Variants in MSS51 observed in about 807,000 individuals in gnomAD.
MSS51 encodes MSS51 mitochondrial translational activator, also known as putative protein MSS51 homolog, mitochondrial.
Under a neutral mutation model 40.2 loss-of-function variants are expected in MSS51, and 32 were observed. The ratio of observed to expected loss-of-function variants is 0.80; its 90% CI spans 0.60 to 1.07. MSS51 has a LOEUF of 1.07. MSS51 is among the 50% of genes least tolerant of loss of function. The pLI, the probability that MSS51 is intolerant of heterozygous loss-of-function variation, is 0.00. For synonymous variants in MSS51, 178 were observed against 214.2 expected, an observed-to-expected ratio of 0.83 and a Z score of 1.48; for missense variants, 518 against 568.9, an observed-to-expected ratio of 0.91 and a Z score of 0.91.
At chr10:73,427,832 C>T (rs909660317) in intron 2 of MSS51, 64 bp from the exon 3 acceptor site, 3 of 1,560,490 alleles carry the variant, frequency 1.9e-6, no homozygotes, top group South Asian at 1.2e-5. Flanking sequence ...ATCTCTCATG[C>T]CCCCCATCTT....
chr10:73,429,707 C>A (rs771215551), intron 1 of MSS51: 6 of 453,564 alleles, frequency 1.3e-5, no homozygotes, highest in African/African-American at 4.0e-5. Context: ...ACAGAAAGGA[C>A]CATATGAGAA....
Position 73,425,911 on chromosome 10 carries a change from A to G in MSS51, c.969T>C (p.Ile323=). The G allele has an allele frequency of 6.2e-7, 1 of 1,614,152 alleles. No individual in the cohort carries two copies. ...AGAGGCCCCTGTGGGCACTAAGCTG[A>G]ATTGTGCCAGGTTCCAGGGGTGAAG... ...TSTSPLEPGT[I]QLSAHRGLYH... Residue 323 remains isoleucine (I), a synonymous_variant, in exon 5 of 7, where the codon ATT becomes ATC. Transcript: ENST00000299432.
intron 5 of MSS51, among the ~76,000 whole-genome samples, chr10:73,425,401 G>A (rs12572221): frequency 2.0e-5 from 3 of 152,094 alleles, no homozygotes; most frequent in African/African-American, 2.4e-5. Flanking sequence ...CAGGCTGGGC[G>A]CGGTGGCTCA....
chr10:73,424,866 C>G, intron 6 of MSS51, 94 bp from the exon 7 acceptor site: 1 of 1,072,124 alleles, frequency 9.3e-7, no homozygotes, highest in Non-Finnish European at 1.4e-6. Context: ...AATCACCCAT[C>G]CCCCAAATTG....
chr10:73,432,643 G>A (rs543569532), intron 1 of MSS51, among the ~76,000 whole-genome samples: 2 of 152,282 alleles, frequency 1.3e-5, no homozygotes, highest in East Asian at 3.9e-4. Context: ...TGAGGAAGAG[G>A]AGTGGTGGTA....
rs200154640 is a variant in MSS51 at position 73,425,200 on chromosome 10, C to G, written c.1070-9G>C. On this transcript the variant is annotated splice_polypyrimidine_tract_variant and intron_variant, in intron 5 of 6. Transcript: ENST00000299432. ...TGGGGAGGAATGAAAACCTGTGGAA[C>G]AAAAATGAAAATGGGAATAGGGAAA... 8 of 1,567,408 alleles carry G rather than the reference C, an allele frequency of 5.1e-6. No homozygotes were observed. Among genetic ancestry groups the G allele is most frequent in the Non-Finnish European group, 6.0e-6 (7 of 1,159,688 alleles).
chr10:73,427,487 A>G lies in MSS51; in HGVS notation c.377+126T>C. ...GAGACAGGGTTTTGCTGTGTTGGCC[A>G]GGTTGGCCTCATGTGATCCACCTGC... On this transcript the variant is annotated intron_variant, in intron 3 of 6. Coordinates refer to ENST00000299432, the MANE Select transcript of MSS51 (RefSeq NM_001024593.2). 3.2e-6 allele frequency: 3 copies of G among 927,548 alleles called. No individual in the cohort carries two copies. In the Admixed American group the frequency reaches 7.4e-5, roughly 23 times the overall value. The allele number at this position is 927,548 out of a possible 1,614,324, so 57.5% of individuals were successfully genotyped here.
intron 2 of MSS51, 112 bp from the exon 3 acceptor site, chr10:73,427,880 C>T: frequency 7.6e-7 from 1 of 1,319,518 alleles, no homozygotes; most frequent in Non-Finnish European, 1.0e-6. Context: ...ATGTCTCCCA[C>T]TGCCATCATT....
intron 1 of MSS51, among the ~76,000 whole-genome samples, chr10:73,432,509 G>A (rs1010708257): frequency 6.6e-6 from 1 of 152,114 alleles, no homozygotes; most frequent in Admixed American, 6.6e-5. Context: ...AGCCACTTAA[G>A]GTCAGAAAGG....
intron 1 of MSS51, among the ~76,000 whole-genome samples, chr10:73,429,960 A>G (rs2056016408): frequency 6.6e-6 from 1 of 152,212 alleles, no homozygotes; most frequent in South Asian, 2.1e-4. Context: ...TTTCTTCATG[A>G]AGCAGGTGGC....
intron 3 of MSS51, 123 bp downstream of exon 3, chr10:73,427,490 T>C: frequency 1.0e-6 from 1 of 976,446 alleles, no homozygotes; most frequent in Non-Finnish European, 1.5e-6. Flanking sequence ...GTTGGCCAGG[T>C]TGGCCTCATG....
chr10:73,426,642 G>A lies in MSS51; in HGVS notation c.467C>T (p.Ala156Val). The A allele has an allele frequency of 6.2e-7, 1 of 1,614,218 alleles. No homozygotes were observed. The highest frequency in any genetic ancestry group is 8.5e-7 in the Non-Finnish European group (1 of 1,180,042). ...AAGCCATTCCATGAGACGGTCCACAGCCACAAGACGAAGCTCTTGACAAAC... is the reference window on the plus strand; with the variant it reads ...AAGCCATTCCATGAGACGGTCCACAACCACAAGACGAAGCTCTTGACAAAC... ...RRVCQELRLVAVDRLMEWLLV... is the reference protein window; with the variant it reads ...RRVCQELRLVVVDRLMEWLLV... The change falls in exon 4 of 7, where the codon GCT becomes GTT. Residue 156 changes from alanine to valine, a missense_variant. By Grantham distance (64) the Ala-to-Val change is moderately conservative (BLOSUM62 0). Transcript: ENST00000299432.
Position 73,424,449 on chromosome 10 carries a change from T to G in MSS51, c.*104A>C. 1 of 862,416 alleles carries G rather than the reference T, an allele frequency of 1.2e-6. No homozygotes were observed. Among genetic ancestry groups the G allele is most frequent in the Non-Finnish European group, 1.9e-6 (1 of 527,122 alleles). 53.4% of individuals were successfully genotyped at this position (862,416 alleles called of 1,614,324 possible). On this transcript the variant is annotated 3_prime_UTR_variant, in exon 7 of 7. Coordinates refer to ENST00000299432, the MANE Select transcript of MSS51 (RefSeq NM_001024593.2). ...TTAGAATTTTTACCCAAACAGTAAA[T>G]GAGGTTTAGAATATAATGTTTTTCA...
At position 73,428,054 on chromosome 10, in the gene MSS51, G is replaced by C; in HGVS notation, c.221+10C>G. 2 of 1,611,524 alleles carry C rather than the reference G, an allele frequency of 1.2e-6. No homozygotes were observed. The highest frequency in any genetic ancestry group is 1.7e-6 in the Non-Finnish European group (2 of 1,177,930). ...CAATATATCCCTTTTCCATAGAGCT[G>C]GTCACTCACTTATATTCTTCATAGC... On this transcript the variant is annotated intron_variant, in intron 2 of 6. Coordinates refer to ENST00000299432, the MANE Select transcript of MSS51 (RefSeq NM_001024593.2).
Position 73,425,918 on chromosome 10 carries a change from C to A in MSS51, c.962G>T (p.Gly321Val), listed in dbSNP as rs143815503. The A allele has an allele frequency of 1.8e-5, 29 of 1,614,006 alleles. No homozygotes were observed. Among genetic ancestry groups the A allele is most frequent in the Middle Eastern group, 3.3e-4 (2 of 6,084 alleles). The part of the protein sequence containing the change: ...QSTSTSPLEP[G>V]TIQLSAHRGL... ...CCTGTGGGCACTAAGCTGAATTGTG[C>A]CAGGTTCCAGGGGTGAAGTTGAGGT... The change falls in exon 5 of 7, where the codon GGC becomes GTC. Residue 321 changes from glycine to valine, a missense_variant. Transcript: ENST00000299432.
chr10:73,428,628 G>T (rs1359670518), intron 1 of MSS51, among the ~76,000 whole-genome samples: 1 of 151,838 alleles, frequency 6.6e-6, no homozygotes, highest in Non-Finnish European at 1.5e-5. Flanking sequence ...TGGGACTACG[G>T]GCAGGCGCCA....
At position 73,424,461 on chromosome 10, in the gene MSS51, T is replaced by C; in HGVS notation, c.*92A>G. The C allele has an allele frequency of 1.1e-6, 1 of 929,302 alleles. No homozygotes were observed. Among genetic ancestry groups the C allele is most frequent in the East Asian group, 2.4e-5 (1 of 41,490 alleles). 57.6% of individuals were successfully genotyped at this position (929,302 alleles called of 1,614,324 possible). ...CCCAAACAGTAAATGAGGTTTAGAATATAATGTTTTTCAAAGTTTGCAAGA... is the reference window on the plus strand; with the variant it reads ...CCCAAACAGTAAATGAGGTTTAGAACATAATGTTTTTCAAAGTTTGCAAGA... On this transcript the variant is annotated 3_prime_UTR_variant, in exon 7 of 7. Coordinates refer to ENST00000299432, the MANE Select transcript of MSS51 (RefSeq NM_001024593.2).
chr10:73,429,579 A>G (rs550202938), intron 1 of MSS51: 610 of 455,714 alleles, frequency 1.3e-3, no homozygotes, highest in Non-Finnish European at 2.3e-3. Context: ...AAAATTTCCT[A>G]AAGTGGTAAG....
chr10:73,433,022 A>C (rs1362681963), intron 1 of MSS51, among the ~76,000 whole-genome samples: 1 of 152,144 alleles, frequency 6.6e-6, no homozygotes, highest in Non-Finnish European at 1.5e-5. Context: ...TTTTCTAGCC[A>C]TCCCCAGTGA....
Sources: gnomAD v4.1 joint callset for allele counts (sites outside exome capture counted in the v4.1 genomes callset) on GRCh38, gnomAD v4.1.1 for gene constraint, MANE v1.5 for transcripts, NCBI Gene and HGNC (gene_info 2026-07-23, HGNC 2026-07-21) for gene names.